The following RNF17 variants were observed in gnomAD, a reference collection of about 807,000 sequenced individuals.
RNF17 encodes the protein spermatogenesis associated 23.
In RNF17, 31 loss-of-function variants were observed where a neutral mutation model predicts 200.5. The observed-to-expected ratio is 0.15, with a 90% CI of 0.12 to 0.21. The LOEUF is 0.21. Among genes scored for constraint, RNF17 ranks in the 10% least tolerant of loss-of-function variants. The pLI, the probability that RNF17 is intolerant of heterozygous loss-of-function variation, is 1.00. For synonymous variants in RNF17, 606 were observed against 637.8 expected, an observed-to-expected ratio of 0.95 and a Z score of 0.75; for missense variants, 1,628 against 1,905.1, an observed-to-expected ratio of 0.85 and a Z score of 2.71.
intron 1 of RNF17, 191 bp downstream of exon 1, chr13:24,764,524 A>T (rs1464520273): frequency 2.6e-6 from 1 of 384,324 alleles, no homozygotes; most frequent in Non-Finnish European, 3.6e-6. Context: ...TAAGGGCAGC[A>T]CCTGCGCCTG....
At chr13:24,845,371 T>C (rs1003393249) in intron 22 of RNF17, among the ~76,000 whole-genome samples, 2 of 152,160 alleles carry the variant, frequency 1.3e-5, no homozygotes, top group Non-Finnish European at 2.9e-5. Flanking sequence ...CATAGAAAGC[T>C]AAAAATATGT....
At chr13:24,871,580 C>A (rs1023298055) in intron 32 of RNF17, among the ~76,000 whole-genome samples, 3 of 151,668 alleles carry the variant, frequency 2.0e-5, no homozygotes, top group Non-Finnish European at 2.9e-5. Flanking sequence ...TCAAGTGAAC[C>A]GCCCACCTTG....
intron 13 of RNF17, among the ~76,000 whole-genome samples, chr13:24,802,120 G>C (rs1029139285): frequency 2.0e-5 from 3 of 152,014 alleles, no homozygotes; most frequent in African/African-American, 7.2e-5. Context: ...CGAGTAGCTG[G>C]GATTAAAGGC....
Position 24,861,344 on chromosome 13 carries a change from T to C in RNF17, c.3851T>C (p.Ile1284Thr), listed in dbSNP as rs748837145. The C allele has an allele frequency of 2.2e-5, 35 of 1,581,892 alleles. No individual in the cohort carries two copies. The highest frequency in any genetic ancestry group is 2.9e-5 in the Non-Finnish European group (34 of 1,161,498). The change falls in exon 27 of 36, where the codon ATA becomes ACA. Residue 1284 changes from isoleucine (I) to threonine (T), a missense_variant. Ile to Thr is a moderately conservative substitution (Grantham distance 89). This residue lies in a region of RNF17 where 609 missense variants were observed against 681.9 expected (regional missense o/e 0.89). Transcript: ENST00000255324. ...HLYPILLYPD[I>T]PQFCIPCQLH... ...TACCCTATTTTGCTGTATCCTGATA[T>C]ACCCCAGTTTTGTATTCCTTGTCAG...
In RNF17 at chr13:24,850,355, G is replaced by T; in HGVS notation, c.3116G>T (p.Ser1039Ile). ...TTCTGTTGTAGACCAGCTGGTGGGA[G>T]TGACAAGTGGACAGCAACAGCTTGT... Reference protein sequence around the residue: ...SLVDIRPAGGSDKWTATACDC... With the variant: ...SLVDIRPAGGIDKWTATACDC... Residue 1039 changes from serine to isoleucine, a missense_variant, in exon 23 of 36, where the codon AGT becomes ATT. Physicochemically the swap from Ser to Ile is moderately radical, Grantham distance 142. Around this residue, in one of 5 missense-constraint regions of RNF17, gnomAD observed 227 missense variants for 319.8 expected, o/e 0.71. Transcript: ENST00000255324. The T allele has an allele frequency of 6.2e-7, 1 of 1,612,720 alleles. No individual in the cohort carries two copies. The highest frequency in any genetic ancestry group is 1.3e-5 in the African/African-American group (1 of 75,008).
chr13:24,819,228 G>A (rs1490775516), intron 15 of RNF17, among the ~76,000 whole-genome samples: 1 of 152,042 alleles, frequency 6.6e-6, no homozygotes, highest in Admixed American at 6.5e-5. Flanking sequence ...TATTACTTCT[G>A]CATTTTTATG....
chr13:24,755,862 G>T, the RNF17 span, among the ~76,000 whole-genome samples: 7 of 152,070 alleles, frequency 4.6e-5, no homozygotes, highest in African/African-American at 1.7e-4. Context: ...TGCTATATAG[G>T]TTTAGATAAT....
chr13:24,879,311 C>A lies in RNF17; in HGVS notation c.*10+16C>A. On this transcript the variant is annotated intron_variant, in intron 35 of 35. Coordinates refer to ENST00000255324, the MANE Select transcript of RNF17 (RefSeq NM_031277.3). ...GTGCCTAAGTGTAAGTTCTCATTCTCTTCATAGCATAAGGCATGGGACTAG... is the reference window on the plus strand; with the variant it reads ...GTGCCTAAGTGTAAGTTCTCATTCTATTCATAGCATAAGGCATGGGACTAG... The A allele has an allele frequency of 1.4e-6, 2 of 1,468,746 alleles. No homozygotes were observed. Among genetic ancestry groups the A allele is most frequent in the South Asian group, 1.1e-5 (1 of 87,886 alleles). 91.0% of individuals were successfully genotyped at this position (1,468,746 alleles called of 1,614,324 possible).
At chr13:24,809,984 G>A (rs1315211603) in intron 15 of RNF17, among the ~76,000 whole-genome samples, 1 of 152,156 alleles carries the variant, frequency 6.6e-6, no homozygotes, top group Non-Finnish European at 1.5e-5. Context: ...GTTCTAGTTT[G>A]ATTGCACTGT....
intron 13 of RNF17, 64 bp from the exon 14 acceptor site, chr13:24,802,317 C>G: frequency 2.1e-6 from 3 of 1,424,590 alleles, no homozygotes; most frequent in Middle Eastern, 4.4e-4. Context: ...AACCTAAATC[C>G]AGAACATTGT....
intron 15 of RNF17, among the ~76,000 whole-genome samples, chr13:24,821,095 G>T (rs1291001892): frequency 6.6e-6 from 1 of 152,070 alleles, no homozygotes; most frequent in Non-Finnish European, 1.5e-5. Context: ...GATTTTGGTG[G>T]CTTGCTGGCA....
At chr13:24,872,051 C>A (rs1377222088) in intron 32 of RNF17, among the ~76,000 whole-genome samples, 1 of 144,162 alleles carries the variant, frequency 6.9e-6, no homozygotes, top group Non-Finnish European at 1.5e-5. Context: ...TCACTGCAAC[C>A]TTTGCCTCCC....
In RNF17 at chr13:24,793,343, G is replaced by A; in HGVS notation, c.1237G>A (p.Glu413Lys). ...IIEEIIEDNV[E>K]SSAELVFVSH... ...TGAAGAAATTATTGAAGACAACGTG[G>A]AAAGTAAGTTAAAATGTAAAAGCAG... Residue 413 changes from glutamate to lysine, a missense_variant, in exon 10 of 36, where the codon GAA becomes AAA. By Grantham distance (56) the Glu-to-Lys change is moderately conservative (BLOSUM62 1). This residue lies in a region of RNF17 where 502 missense variants were observed against 501.7 expected (regional missense o/e 1.00). Transcript: ENST00000255324. The A allele has an allele frequency of 6.3e-7, 1 of 1,581,070 alleles. No homozygotes were observed. Among genetic ancestry groups the A allele is most frequent in the Non-Finnish European group, 8.6e-7 (1 of 1,167,396 alleles).
intron 15 of RNF17, among the ~76,000 whole-genome samples, chr13:24,812,669 T>TTCCCCCCCCC (rs1886833957): frequency 4.8e-5 from 1 of 20,930 alleles, no homozygotes; most frequent in Non-Finnish European, 1.0e-4. Flanking sequence ...GCTCCTCCCC[T>TTCCCCCCCCC]CCCCGCCCCA....
the RNF17 span, among the ~76,000 whole-genome samples, chr13:24,752,888 G>A: frequency 1.3e-5 from 2 of 152,132 alleles, no homozygotes; most frequent in Non-Finnish European, 2.9e-5. Flanking sequence ...CAGAATCTTC[G>A]GCGTGGCCTG....
chr13:24,877,585 C>G (rs1894994195), intron 34 of RNF17, among the ~76,000 whole-genome samples: 1 of 152,088 alleles, frequency 6.6e-6, no homozygotes, highest in South Asian at 2.1e-4. Context: ...TGATTATTTG[C>G]ATCTGGAGAG....
At chr13:24,797,676 CAGGGAGAG>C (rs1884730772) in intron 11 of RNF17, among the ~76,000 whole-genome samples, 1 of 106,532 alleles carries the variant, frequency 9.4e-6, no homozygotes, top group African/African-American at 3.9e-5. Flanking sequence ...GTCTGAGTGG[CAGGGAGAG>C]AGAGAGAGAG....
chr13:24,881,749 G>C (rs1356725955), downstream of RNF17, among the ~76,000 whole-genome samples: 2 of 145,448 alleles, frequency 1.4e-5, no homozygotes, highest in Non-Finnish European at 3.0e-5. Context: ...GATCACTTGA[G>C]GTCAGGAGTT....
chr13:24,752,130 T>G, the RNF17 span: 1 of 152,404 alleles, frequency 6.6e-6, no homozygotes, highest in South Asian at 2.1e-4. Context: ...ACTCTCATTA[T>G]AGGACAGCAT....
Sources: allele counts gnomAD v4.1 joint callset (sites outside exome capture counted in the v4.1 genomes callset), GRCh38; gene constraint gnomAD v4.1.1; regional missense constraint gnomAD v4.1.1; transcripts MANE v1.5; gene names NCBI Gene and HGNC (gene_info 2026-07-23, HGNC 2026-07-21).